The following SOD2 variants were observed in gnomAD, a reference collection of about 807,000 sequenced individuals.
SOD2 encodes superoxide dismutase 2.
In SOD2, 11 loss-of-function variants were observed where a neutral mutation model predicts 27.0. The ratio of observed to expected loss-of-function variants is 0.41; its 90% confidence interval spans 0.26 to 0.67. SOD2 has a LOEUF of 0.67. Ranked by LOEUF, SOD2 falls within the 30% of genes least tolerant of loss-of-function variation. The pLI, the probability that SOD2 is intolerant of heterozygous loss-of-function variation, is 0.34. For missense variants in SOD2, 250 were observed against 274.5 expected (o/e 0.91, Z 0.63); for synonymous variants, 105 against 103.0 (o/e 1.02, Z -0.12).
At chr6:159,723,105 G>A (rs1470287691) in intron 1 of SOD2, among the ~76,000 whole-genome samples, 1 of 152,164 alleles carries the variant, frequency 6.6e-6, no homozygotes, top group Non-Finnish European at 1.5e-5. Context: ...CCACTCCTCT[G>A]CATGCCTTTG....
intron 2 of SOD2, among the ~76,000 whole-genome samples, chr6:159,688,912 C>G (rs1780318162): frequency 6.6e-6 from 1 of 152,144 alleles, no homozygotes. Context: ...AAATAAAACA[C>G]AAGCAGAACC....
chr6:159,754,790 G>A (rs1779944148), intron 1 of SOD2, among the ~76,000 whole-genome samples: 1 of 152,076 alleles, frequency 6.6e-6, no homozygotes, highest in African/African-American at 2.4e-5. Context: ...ACAGTTGCTT[G>A]AATTCATTGT....
intron 1 of SOD2, among the ~76,000 whole-genome samples, chr6:159,734,183 T>A (rs1270219777): frequency 6.6e-6 from 1 of 152,084 alleles, no homozygotes; most frequent in East Asian, 1.9e-4. Flanking sequence ...GTGTTTTGTT[T>A]GTTTGTTTTA....
chr6:159,730,393 AT>A (rs1778494326), upstream of SOD2, among the ~76,000 whole-genome samples: 1 of 152,100 alleles, frequency 6.6e-6, no homozygotes, highest in Non-Finnish European at 1.5e-5. Flanking sequence ...CATTGCCTTT[AT>A]GAATCTAGAA....
chr6:159,719,038 G>A (rs1307465180), intron 1 of SOD2, among the ~76,000 whole-genome samples: 1 of 150,882 alleles, frequency 6.6e-6, no homozygotes. Context: ...TTTTTCCTCT[G>A]TACTTCTGCA....
chr6:159,748,230 G>A (rs532857576), upstream of SOD2: 10 of 1,613,936 alleles, frequency 6.2e-6, no homozygotes, highest in African/African-American at 4.0e-5. The surrounding 1 kb of genome is among the most constrained non-coding windows in gnomAD (Gnocchi z 5.6). Flanking sequence ...GCAGCCGAGC[G>A]TTGCCCAACT....
upstream of SOD2, among the ~76,000 whole-genome samples, chr6:159,745,784 A>G (rs1011505020): frequency 5.3e-5 from 8 of 152,188 alleles, no homozygotes; most frequent in African/African-American, 1.9e-4. Context: ...TTTAAGCAGG[A>G]AAACCAATTG....
chr6:159,734,872 T>C (rs2114889681), intron 1 of SOD2, among the ~76,000 whole-genome samples: 1 of 152,302 alleles, frequency 6.6e-6, no homozygotes, highest in Non-Finnish European at 1.5e-5. Context: ...TGTATTTTAA[T>C]GTGGTGTTTA....
rs1475859910 is a variant in SOD2 at position 159,673,076 on chromosome 6, C to T, written c.*9417G>A. The T allele has an allele frequency of 6.6e-6, 1 of 152,180 alleles. No homozygotes were observed. Among genetic ancestry groups the T allele is most frequent in the Non-Finnish European group, 1.5e-5 (1 of 68,020 alleles). The allele number at this position is 152,180 out of a possible 1,614,324, so 9.4% of individuals were successfully genotyped here. On this transcript the variant is annotated 3_prime_UTR_variant, in exon 5 of 5. Transcript: ENST00000538183. Reference sequence around the variant, plus strand: ...ATCTTAAATATATATGCACCCAATACAGGAGCACCCAGATTCATAAACCAA... The same window carrying T: ...ATCTTAAATATATATGCACCCAATATAGGAGCACCCAGATTCATAAACCAA...
intron 1 of SOD2, among the ~76,000 whole-genome samples, chr6:159,707,855 T>A (rs1438708501): frequency 6.6e-6 from 1 of 152,090 alleles, no homozygotes; most frequent in Non-Finnish European, 1.5e-5. Context: ...TGAACATTGA[T>A]GCAAAAATCC....
chr6:159,757,012 GA>G (rs759409760), intron 1 of SOD2, among the ~76,000 whole-genome samples: 20 of 152,260 alleles, frequency 1.3e-4, no homozygotes, highest in Non-Finnish European at 2.2e-4. Flanking sequence ...CAGCACTACT[GA>G]TTTTTACTAA....
rs1779904974 is a variant in SOD2, at chr6:159,680,582, G to A, written c.*1911C>T. The A allele has an allele frequency of 6.6e-6, 1 of 151,550 alleles. No individual in the cohort carries two copies. The highest frequency in any genetic ancestry group is 6.6e-5 in the Admixed American group (1 of 15,182). 9.4% of individuals were successfully genotyped at this position (151,550 alleles called of 1,614,324 possible). ...AAAAAAAAATAGAAAAATAAACTTG[G>A]GGAAAAAATTAAAAATAAAAAATAA... On this transcript the variant is annotated 3_prime_UTR_variant, in exon 5 of 5. Transcript: ENST00000538183.
chr6:159,721,786 A>G (rs1431999019), intron 1 of SOD2, among the ~76,000 whole-genome samples: 1 of 150,308 alleles, frequency 6.7e-6, no homozygotes, highest in South Asian at 2.1e-4. Context: ...CGGCCTCCCA[A>G]AGTGCTGGGA....
upstream of SOD2, among the ~76,000 whole-genome samples, chr6:159,697,158 C>G (rs2758351): frequency 4.2e-4 from 63 of 151,752 alleles, no homozygotes; most frequent in African/African-American, 1.5e-3. Flanking sequence ...TTAAAAAAAT[C>G]GTTGTTGCTA....
intron 1 of SOD2, chr6:159,753,685 A>G: frequency 1.3e-6 from 2 of 1,513,926 alleles, no homozygotes; most frequent in Non-Finnish European, 8.9e-7. Flanking sequence ...CCAGTCATGA[A>G]TATTATAGGT....
intron 1 of SOD2, chr6:159,755,271 G>A (rs771401662): frequency 8.1e-6 from 13 of 1,614,170 alleles, no homozygotes; most frequent in South Asian, 4.4e-5. Context: ...AGCTCCTCCC[G>A]CCAGAGGACG....
chr6:159,738,162 C>T (rs980307160), intron 1 of SOD2, among the ~76,000 whole-genome samples: 3 of 152,166 alleles, frequency 2.0e-5, no homozygotes, highest in Non-Finnish European at 4.4e-5. Context: ...CTTTGTGTAA[C>T]CATCATTAAT....
Position 159,693,133 on chromosome 6 carries a change from C to G in SOD2, c.23+12G>C. 1 of 1,531,168 alleles carries G rather than the reference C, an allele frequency of 6.5e-7. No individual in the cohort carries two copies. Among genetic ancestry groups the G allele is most frequent in the Non-Finnish European group, 8.8e-7 (1 of 1,139,380 alleles). 94.8% of individuals were successfully genotyped at this position (1,531,168 alleles called of 1,614,324 possible). On this transcript the variant is annotated intron_variant, in intron 1 of 4. Coordinates refer to ENST00000538183, the MANE Select transcript of SOD2 (RefSeq NM_000636.4). ...GCCCTTGGGGCCGTGACCGGGTCCCCTTTCTTCTCACCCGCACACTGCCCG... is the reference window on the plus strand; with the variant it reads ...GCCCTTGGGGCCGTGACCGGGTCCCGTTTCTTCTCACCCGCACACTGCCCG...
At chr6:159,761,899 C>T in exon 1 of SOD2, 1 of 415,598 alleles carries the variant, frequency 2.4e-6, no homozygotes, top group Non-Finnish European at 3.9e-6. Context: ...GCCCCGCGCG[C>T]CTCCGCCCGC....
Sources: gnomAD v4.1 joint callset for allele counts (sites outside exome capture counted in the v4.1 genomes callset) on GRCh38, gnomAD v4.1.1 for gene constraint, Gnocchi (gnomAD v3.1) non-coding constraint, MANE v1.5 for transcripts, NCBI Gene and HGNC (gene_info 2026-07-23, HGNC 2026-07-21) for gene names.